CNTNAP2: variants seen among roughly 807,000 people sequenced by gnomAD.
CNTNAP2 encodes contactin associated protein 2.
In CNTNAP2, 98 loss-of-function variants were observed where a neutral mutation model predicts 155.2. The observed-to-expected ratio is 0.63, with a 90% confidence interval of 0.54 to 0.75. CNTNAP2 has a LOEUF of 0.75. Among genes scored for constraint, CNTNAP2 ranks in the 30% least tolerant of loss-of-function variants. CNTNAP2 has a pLI of 0.00. For synonymous variants in CNTNAP2, 651 were observed against 631.2 expected (o/e 1.03, Z -0.47); for missense variants, 1,727 against 1,688.1 (o/e 1.02, Z -0.40).
At position 146,899,570 on chromosome 7, in the gene CNTNAP2, C is replaced by G. The variant is rs148265467; in HGVS notation, c.402+59666C>G. On this transcript the variant is annotated intron_variant, in intron 3 of 23. Coordinates refer to ENST00000361727, the MANE Select transcript of CNTNAP2 (RefSeq NM_014141.6). ...AATTCAGTTTATTTCTACCTAACAACTTGTAATAAAACAGGTTGGTGTCAT... is the reference window on the plus strand; with the variant it reads ...AATTCAGTTTATTTCTACCTAACAAGTTGTAATAAAACAGGTTGGTGTCAT... Among the ~76,000 whole-genome samples, 39 of 152,266 alleles carry G rather than the reference C, an allele frequency of 2.6e-4. No homozygotes were observed. The East Asian group carries it at 7.5e-3, about 29-fold the overall frequency.
At chr7:146,458,146 G>T (rs182761519) in intron 1 of CNTNAP2, among the ~76,000 whole-genome samples, 4 of 152,048 alleles carry the variant, frequency 2.6e-5, no homozygotes, top group African/African-American at 9.7e-5. Context: ...GCCTGTCAGG[G>T]GTATGTGGGG....
At chr7:146,532,950 A>T (rs186390080) in intron 1 of CNTNAP2, among the ~76,000 whole-genome samples, 1 of 151,634 alleles carries the variant, frequency 6.6e-6, no homozygotes, top group African/African-American at 2.4e-5. Flanking sequence ...AAATAAAAAT[A>T]AATTAGACAA....
intron 4 of CNTNAP2, among the ~76,000 whole-genome samples, chr7:147,104,573 A>G (rs906299664): frequency 4.0e-5 from 6 of 151,676 alleles, no homozygotes; most frequent in Admixed American, 1.3e-4. Context: ...AACTGAAAAC[A>G]TTTGATGGGG....
chr7:146,810,056 T>G (rs1365520293), intron 2 of CNTNAP2, among the ~76,000 whole-genome samples: 2 of 152,204 alleles, frequency 1.3e-5, no homozygotes, highest in Non-Finnish European at 1.5e-5. Context: ...AATTTCACTC[T>G]TTTGCATGTG....
chr7:148,274,684 AAGCAGATGCC>A (rs988141484), intron 21 of CNTNAP2, among the ~76,000 whole-genome samples: 1 of 152,186 alleles, frequency 6.6e-6, no homozygotes, highest in Non-Finnish European at 1.5e-5. Flanking sequence ...GCCTCCCCAG[AAGCAGATGCC>A]AGTGCTGTGC....
chr7:147,817,247 T>C (rs1489478507), intron 13 of CNTNAP2, among the ~76,000 whole-genome samples: 1 of 152,164 alleles, frequency 6.6e-6, no homozygotes, highest in Non-Finnish European at 1.5e-5. Flanking sequence ...CCAAATACAG[T>C]ATTTGAATCT....
intron 10 of CNTNAP2, among the ~76,000 whole-genome samples, chr7:147,459,760 A>G (rs1217323789): frequency 6.6e-6 from 1 of 152,204 alleles, no homozygotes; most frequent in African/African-American, 2.4e-5. Context: ...ATTTTAAGAC[A>G]ATAAAATTGT....
At chr7:146,378,267 G>A (rs1189947260) in intron 1 of CNTNAP2, among the ~76,000 whole-genome samples, 1 of 152,120 alleles carries the variant, frequency 6.6e-6, no homozygotes, top group Non-Finnish European at 1.5e-5. Flanking sequence ...TGATATTTGA[G>A]TTTCACTCTC....
intron 13 of CNTNAP2, among the ~76,000 whole-genome samples, chr7:147,744,562 G>T (rs1166304372): frequency 6.6e-6 from 1 of 152,180 alleles, no homozygotes; most frequent in Admixed American, 6.5e-5. Flanking sequence ...ATCTGTATGA[G>T]TTTGCAAGGG....
intron 9 of CNTNAP2, among the ~76,000 whole-genome samples, chr7:147,390,663 G>T (rs1056380132): frequency 4.6e-5 from 7 of 152,058 alleles, no homozygotes; most frequent in Non-Finnish European, 1.0e-4. Context: ...TGGAGTAAGG[G>T]ATCAAAAGAC....
chr7:146,981,272 A>G (rs994656267), intron 3 of CNTNAP2, among the ~76,000 whole-genome samples: 1 of 152,238 alleles, frequency 6.6e-6, no homozygotes, highest in African/African-American at 2.4e-5. Context: ...AAGATTTACA[A>G]ATGAATTATG....
Position 146,928,889 on chromosome 7 carries a change from C to G in CNTNAP2, c.402+88985C>G, listed in dbSNP as rs556100339. Reference sequence around the variant, plus strand: ...GGTGGCAGGGAGGCTGGGGGAGGGGCGCCTGCCATTGCCCAGGCTTGCTTA... The same window carrying G: ...GGTGGCAGGGAGGCTGGGGGAGGGGGGCCTGCCATTGCCCAGGCTTGCTTA... On this transcript the variant is annotated intron_variant, in intron 3 of 23. Transcript: ENST00000361727. Among the ~76,000 whole-genome samples, 6 of 152,254 alleles carry G rather than the reference C, an allele frequency of 3.9e-5. No individual in the cohort carries two copies. In the East Asian group the frequency reaches 7.8e-4, roughly 20 times the overall value.
intron 1 of CNTNAP2, among the ~76,000 whole-genome samples, chr7:146,192,992 T>C (rs1212660466): frequency 1.3e-5 from 2 of 152,128 alleles, no homozygotes; most frequent in African/African-American, 2.4e-5. Flanking sequence ...AAATCCAAAA[T>C]CCAGAGAGGC....
chr7:146,140,516 C>A (rs1797861781), intron 1 of CNTNAP2, among the ~76,000 whole-genome samples: 1 of 152,078 alleles, frequency 6.6e-6, no homozygotes, highest in African/African-American at 2.4e-5. Flanking sequence ...AAAATATATT[C>A]TCATATATTA....
At chr7:147,309,130 G>T (rs534509809) in intron 9 of CNTNAP2, among the ~76,000 whole-genome samples, 1 of 152,132 alleles carries the variant, frequency 6.6e-6, no homozygotes, top group South Asian at 2.1e-4. Flanking sequence ...GGGGTTGGAG[G>T]GGGGTAGAAA....
intron 12 of CNTNAP2, among the ~76,000 whole-genome samples, chr7:147,563,926 T>C (rs1269734081): frequency 6.6e-6 from 1 of 151,998 alleles, no homozygotes; most frequent in Non-Finnish European, 1.5e-5. Flanking sequence ...CCAGGCATGG[T>C]ACAGAATGAA....
rs766599098 is a variant in CNTNAP2, at chr7:146,913,337, C to CT, written c.402+73434dup. 1.6e-3 allele frequency among the ~76,000 whole-genome samples: 244 copies of CT among 152,116 alleles called. 6 individuals carry two copies. The highest frequency in any genetic ancestry group is 3.4e-3 in the Middle Eastern group (1 of 294). On this transcript the variant is annotated intron_variant, in intron 3 of 23. Transcript: ENST00000361727. ...TCAGAGAAGGCACTGGAATGCCAAG[C>CT]TAAGGGGTTTGTGATTTTCCTGTAG...
intron 15 of CNTNAP2, among the ~76,000 whole-genome samples, chr7:148,012,063 A>G (rs1398439490): frequency 6.6e-6 from 1 of 151,906 alleles, no homozygotes; most frequent in Non-Finnish European, 1.5e-5. Flanking sequence ...GTTCTTCCCC[A>G]TTTTTTTGGT....
intron 15 of CNTNAP2, among the ~76,000 whole-genome samples, chr7:147,985,858 G>A (rs940768992): frequency 3.9e-5 from 6 of 152,134 alleles, no homozygotes; most frequent in South Asian, 2.1e-4. Flanking sequence ...CTGCCCTTAG[G>A]GCACTCATCA....
Sources: allele counts gnomAD v4.1 joint callset (sites outside exome capture counted in the v4.1 genomes callset), GRCh38; gene constraint gnomAD v4.1.1; transcripts MANE v1.5; gene names NCBI Gene and HGNC (gene_info 2026-07-23, HGNC 2026-07-21).